GRM5: variants seen among roughly 807,000 people sequenced by gnomAD.
GRM5 encodes metabotropic glutamate receptor 5.
In GRM5, 19 loss-of-function variants were observed where a neutral mutation model predicts 83.1. The observed-to-expected ratio is 0.23, with a 90% CI of 0.16 to 0.34. GRM5 has a LOEUF of 0.34. GRM5 is among the 10% of genes least tolerant of loss of function. The pLI is 1.00. For synonymous variants in GRM5, 675 were observed against 633.6 expected, an observed-to-expected ratio of 1.07 and a Z score of -0.98; for missense variants, 1,160 against 1,588.3, an observed-to-expected ratio of 0.73 and a Z score of 4.58.
chr11:88,832,994 C>A (rs968493772), intron 3 of GRM5, among the ~76,000 whole-genome samples: 1 of 151,716 alleles, frequency 6.6e-6, no homozygotes, highest in African/African-American at 2.4e-5. Flanking sequence ...AAGTAAGACC[C>A]CAAACTATAA....
chr11:88,814,609 A>C (rs1943639033), intron 3 of GRM5, among the ~76,000 whole-genome samples: 1 of 152,202 alleles, frequency 6.6e-6, no homozygotes, highest in South Asian at 2.1e-4. Context: ...CTACCTAACA[A>C]ATTATAAAAT....
intron 2 of GRM5, among the ~76,000 whole-genome samples, chr11:88,998,605 A>T (rs982056190): frequency 1.3e-5 from 2 of 152,190 alleles, no homozygotes; most frequent in African/African-American, 2.4e-5. Context: ...TAAGTAAATA[A>T]GAGGTAAAAC....
chr11:88,653,237 G>T lies in GRM5; in HGVS notation c.1078C>A (p.Gln360Lys), dbSNP rs1270368960. ...HRNPWFQEFW[Q>K]HRFQCRLEGF... ...TCCAGTCGGCACTGAAAACGATGCT[G>T]CCAAAATTCTTGAAACCAAGGGTTT... Residue 360 changes from glutamine (Q) to lysine (K), a missense_variant, in exon 4 of 10, where the codon CAG becomes AAG. Physicochemically the swap from Gln to Lys is moderately conservative, Grantham distance 53. Around this residue, in one of 9 missense-constraint regions of GRM5, gnomAD observed 132 missense variants for 197.6 expected, o/e 0.67. Transcript: ENST00000305447. The T allele has an allele frequency of 6.2e-7, 1 of 1,613,056 alleles. No homozygotes were observed. The highest frequency in any genetic ancestry group is 1.7e-5 in the Admixed American group (1 of 59,880).
intron 2 of GRM5, among the ~76,000 whole-genome samples, chr11:89,003,190 C>T (rs1474123739): frequency 6.6e-6 from 1 of 152,174 alleles, no homozygotes; most frequent in Non-Finnish European, 1.5e-5. Flanking sequence ...CTACATGCTA[C>T]ACAACCCTTG....
chr11:89,054,834 A>T (rs1464736000), intron 1 of GRM5, among the ~76,000 whole-genome samples: 1 of 152,210 alleles, frequency 6.6e-6, no homozygotes, highest in Non-Finnish European at 1.5e-5. Flanking sequence ...ATACATAAAG[A>T]CTGGAAACAT....
At chr11:88,556,729 T>G (rs1023421732) in intron 8 of GRM5, among the ~76,000 whole-genome samples, 2 of 152,086 alleles carry the variant, frequency 1.3e-5, no homozygotes, top group African/African-American at 4.8e-5. Context: ...TTTAAGTGCT[T>G]AGTCTAGGGT....
chr11:88,975,175 A>C (rs181113124), intron 2 of GRM5, among the ~76,000 whole-genome samples: 101 of 152,300 alleles, frequency 6.6e-4, no homozygotes, highest in Middle Eastern at 3.4e-3. Flanking sequence ...TGAATAGATA[A>C]AATTTCTCAA....
chr11:89,058,938 TAATA>T (rs918811842), intron 1 of GRM5, among the ~76,000 whole-genome samples: 1 of 152,192 alleles, frequency 6.6e-6, no homozygotes, highest in African/African-American at 2.4e-5. Flanking sequence ...ACAAATGATA[TAATA>T]GTGTATTATT....
intron 2 of GRM5, among the ~76,000 whole-genome samples, chr11:88,858,251 A>C (rs1312389819): frequency 6.6e-6 from 1 of 152,116 alleles, no homozygotes; most frequent in African/African-American, 2.4e-5. Context: ...ACTCTTCAAC[A>C]GTAAATTAAG....
intron 3 of GRM5, among the ~76,000 whole-genome samples, chr11:88,831,066 G>A (rs1175008705): frequency 6.6e-6 from 1 of 151,944 alleles, no homozygotes; most frequent in South Asian, 2.1e-4. Flanking sequence ...GTTCTGAGTG[G>A]GGACACAGCC....
At chr11:88,558,402 G>A (rs1363343170) in intron 8 of GRM5, among the ~76,000 whole-genome samples, 1 of 152,054 alleles carries the variant, frequency 6.6e-6, no homozygotes, top group Non-Finnish European at 1.5e-5. Flanking sequence ...CTCATTAATT[G>A]TTATTATCCA....
intron 3 of GRM5, among the ~76,000 whole-genome samples, chr11:88,795,269 G>A (rs1234576185): frequency 2.0e-5 from 3 of 152,156 alleles, no homozygotes; most frequent in African/African-American, 4.8e-5. Context: ...TTGTACAGCT[G>A]GTTACAGATT....
chr11:88,568,012 T>C lies in GRM5; in HGVS notation c.1691-20A>G. The C allele has an allele frequency of 6.6e-7, 1 of 1,511,780 alleles. No homozygotes were observed. Among genetic ancestry groups the C allele is most frequent in the East Asian group, 2.3e-5 (1 of 43,984 alleles). 93.6% of individuals were successfully genotyped at this position (1,511,780 alleles called of 1,614,324 possible). A position where few individuals can be genotyped will look rare whatever the true frequency, so the allele number is the denominator to read the frequency against. Reference sequence around the variant, plus strand: ...CACAACCTGCAGAGACACAAACACATATTGTAAAGGAGGGAGAGATGTTGA... The same window carrying C: ...CACAACCTGCAGAGACACAAACACACATTGTAAAGGAGGGAGAGATGTTGA... On this transcript the variant is annotated intron_variant, in intron 7 of 9. Coordinates refer to ENST00000305447, the MANE Select transcript of GRM5 (RefSeq NM_001143831.3).
intron 2 of GRM5, among the ~76,000 whole-genome samples, chr11:88,888,667 TGCAAACCG>T (rs1945086940): frequency 6.6e-6 from 1 of 152,168 alleles, no homozygotes; most frequent in South Asian, 2.1e-4. Flanking sequence ...TCTATCCCTG[TGCAAACCG>T]GTAAAAGAAA....
intron 8 of GRM5, among the ~76,000 whole-genome samples, chr11:88,537,303 G>A (rs977634673): frequency 6.6e-6 from 1 of 152,094 alleles, no homozygotes; most frequent in African/African-American, 2.4e-5. Context: ...CATGCAAACA[G>A]ATTGGCATTT....
chr11:88,902,950 CAAAAAAAAAA>C (rs201996144), intron 2 of GRM5, among the ~76,000 whole-genome samples: 8 of 61,922 alleles, frequency 1.3e-4, no homozygotes, highest in East Asian at 8.3e-4. Flanking sequence ...GACTCCATCT[CAAAAAAAAAA>C]AAAAAAAAAA....
chr11:88,926,926 T>C (rs1272372786), intron 2 of GRM5, among the ~76,000 whole-genome samples: 3 of 152,180 alleles, frequency 2.0e-5, no homozygotes, highest in African/African-American at 7.2e-5. Context: ...ATTTGATAAT[T>C]ATATTTCAAC....
chr11:88,977,945 T>C (rs1361287150), intron 2 of GRM5, among the ~76,000 whole-genome samples: 1 of 152,228 alleles, frequency 6.6e-6, no homozygotes, highest in Non-Finnish European at 1.5e-5. Flanking sequence ...ATAGTAATCT[T>C]GCACAAAATT....
At chr11:88,664,751 A>G (rs1428464177) in intron 3 of GRM5, among the ~76,000 whole-genome samples, 27 of 152,056 alleles carry the variant, frequency 1.8e-4, no homozygotes, top group Admixed American at 1.7e-3. Flanking sequence ...CCAGCCTCAC[A>G]TAGCATTTTC....
Sources: allele counts gnomAD v4.1 joint callset (sites outside exome capture counted in the v4.1 genomes callset), GRCh38; gene constraint gnomAD v4.1.1; regional missense constraint gnomAD v4.1.1; transcripts MANE v1.5; gene names NCBI Gene and HGNC (gene_info 2026-07-23, HGNC 2026-07-21).